The following ADAM11 variants were observed in gnomAD, a reference collection of about 807,000 sequenced individuals.
ADAM11 encodes the protein disintegrin and metalloproteinase domain-containing protein 11.
A neutral mutation model predicts 119.1 loss-of-function variants in ADAM11; 49 were observed. That is an observed-to-expected ratio of 0.41 (90% CI 0.33 to 0.52). The LOEUF (loss-of-function observed/expected upper bound fraction) is 0.52. ADAM11 is among the 20% of genes least tolerant of loss of function. ADAM11 has a pLI of 0.20. For missense variants in ADAM11, 777 were observed against 1,047.5 expected, an observed-to-expected ratio of 0.74 and a Z score of 3.56; for synonymous variants, 364 against 408.0, an observed-to-expected ratio of 0.89 and a Z score of 1.30.
intron 25 of ADAM11, 75 bp from the exon 26 acceptor site, chr17:44,779,147 A>C: frequency 6.5e-7 from 1 of 1,542,310 alleles, no homozygotes; most frequent in Non-Finnish European, 8.7e-7. Context: ...ATGGCAGCCA[A>C]AGGCCCCTCC....
At position 44,780,454 on chromosome 17, in the gene ADAM11, A is replaced by G; in HGVS notation, c.*700A>G. On this transcript the variant is annotated 3_prime_UTR_variant, in exon 27 of 27. Coordinates refer to ENST00000200557, the MANE Select transcript of ADAM11 (RefSeq NM_002390.6). ...AACCAAAGCTGCCTGTGCCATGCCCAAGGCCTAGGTTATGGGTACGGCAAC... is the reference window on the plus strand; with the variant it reads ...AACCAAAGCTGCCTGTGCCATGCCCGAGGCCTAGGTTATGGGTACGGCAAC... 3.3e-6 allele frequency: 1 copy of G among 305,904 alleles called. No individual in the cohort carries two copies. The highest frequency in any genetic ancestry group is 6.3e-6 in the Non-Finnish European group (1 of 159,662). The allele number at this position is 305,904 out of a possible 1,614,324, so 18.9% of individuals were successfully genotyped here.
chr17:44,769,120 A>G (rs1236399287), intron 2 of ADAM11, among the ~76,000 whole-genome samples: 4 of 152,176 alleles, frequency 2.6e-5, no homozygotes, highest in Admixed American at 2.6e-4. Context: ...GCAGAGGGCA[A>G]TGGATTTGGG....
chr17:44,774,248 C>A (rs1453662317), intron 11 of ADAM11, 47 bp from the exon 12 acceptor site: 2 of 1,307,560 alleles, frequency 1.5e-6, no homozygotes, highest in Admixed American at 6.2e-5. Flanking sequence ...ACCCGGGGAG[C>A]CACAGGGGAG....
Position 44,772,299 on chromosome 17 carries a change from T to C in ADAM11, c.576T>C (p.Pro192=). The C allele has an allele frequency of 2.0e-6, 3 of 1,505,008 alleles. No individual in the cohort carries two copies. Among genetic ancestry groups the C allele is most frequent in the Non-Finnish European group, 2.7e-6 (3 of 1,114,974 alleles). The allele number at this position is 1,505,008 out of a possible 1,614,324, so 93.2% of individuals were successfully genotyped here. The change falls in exon 7 of 27, where the codon CCT becomes CCC. Residue 192 remains proline, a synonymous_variant. Coordinates refer to ENST00000200557, the MANE Select transcript of ADAM11 (RefSeq NM_002390.6). This position sits in a 1 kb window ranked among gnomAD's most constrained non-coding sequence, Gnocchi z 4.5. The part of the protein sequence containing the change: ...GPLPHLIYRT[P]LLPDPLGCRE... ...TTCCCCACCTCATTTACCGGACCCC[T>C]CTCCTCCCAGATCCCCTCGGATGCA...
chr17:44,759,443 G>T (rs1343475139), intron 1 of ADAM11, 183 bp downstream of exon 1: 1 of 1,246,926 alleles, frequency 8.0e-7, no homozygotes, highest in Non-Finnish European at 1.0e-6. Context: ...AGCTGGCCGG[G>T]CCCACCGCGT....
intron 25 of ADAM11, 118 bp downstream of exon 25, chr17:44,778,360 TA>T: frequency 9.9e-7 from 1 of 1,007,136 alleles, no homozygotes. Flanking sequence ...TCACACGTCA[TA>T]GGTCCAAGTA....
At chr17:44,769,952 C>A (rs776655039) in intron 3 of ADAM11, 30 bp from the exon 4 acceptor site, 7 of 1,613,286 alleles carry the variant, frequency 4.3e-6, no homozygotes, top group South Asian at 1.1e-5. Flanking sequence ...TCGCCCGTGA[C>A]CCCCCTTCCT....
intron 4 of ADAM11, among the ~76,000 whole-genome samples, chr17:44,770,534 T>C (rs956424273): frequency 6.9e-6 from 1 of 144,302 alleles, no homozygotes; most frequent in East Asian, 2.0e-4. Context: ...GGAGCACAAG[T>C]AATTCTGCAG....
intron 2 of ADAM11, among the ~76,000 whole-genome samples, chr17:44,765,436 T>A (rs1473233234): frequency 6.6e-6 from 1 of 152,150 alleles, no homozygotes; most frequent in Non-Finnish European, 1.5e-5. Context: ...TTCTGGCATG[T>A]CCCTGTCACA....
chr17:44,771,733 G>C (rs2145225110), intron 5 of ADAM11, 23 bp from the exon 6 acceptor site: 1 of 1,613,718 alleles, frequency 6.2e-7, no homozygotes. Flanking sequence ...GGACGGAGGG[G>C]AGCTGCGCCT....
In ADAM11 at chr17:44,777,233, C is replaced by T. The variant is rs1317419125; in HGVS notation, c.1749C>T (p.Arg583=). 2 of 1,608,568 alleles carry T rather than the reference C, an allele frequency of 1.2e-6. No homozygotes were observed. Among genetic ancestry groups the T allele is most frequent in the Admixed American group, 1.7e-5 (1 of 59,904 alleles). ...GGACGGAGCGTGGGAGCTGTGGGCG[C>T]AAGGGATCTGGCTGGGTCCAGTGCA... is the stretch of plus-strand genomic sequence containing the variant. ...VEGTERGSCG[R]KGSGWVQCSK... Residue 583 remains arginine (R), a synonymous_variant, in exon 21 of 27, where the codon CGC becomes CGT. Coordinates refer to ENST00000200557, the MANE Select transcript of ADAM11 (RefSeq NM_002390.6). This position sits in a 1 kb window ranked among gnomAD's most constrained non-coding sequence, Gnocchi z 5.1.
Position 44,771,790 on chromosome 17 carries a change from G to A in ADAM11, c.502G>A (p.Val168Met), listed in dbSNP as rs147818264. 1.0e-4 allele frequency: 164 copies of A among 1,613,474 alleles called. No individual in the cohort carries two copies. Among genetic ancestry groups the A allele is most frequent in the Non-Finnish European group, 1.3e-4 (155 of 1,179,504 alleles). Reference protein sequence around the residue: ...VFSDGNLTYIVEPQEVAGPWG... With the variant: ...VFSDGNLTYIMEPQEVAGPWG... ...CTCTGATGGGAACTTGACTTACATC[G>A]TGGAGCCCCAAGAGGTGGCTGGACC... Residue 168 changes from valine (V) to methionine (M), a missense_variant, in exon 6 of 27, where the codon GTG (valine) becomes ATG (methionine). By Grantham distance (21) the Val-to-Met change is conservative. Coordinates refer to ENST00000200557, the MANE Select transcript of ADAM11 (RefSeq NM_002390.6).
chr17:44,767,561 C>A (rs529702140), intron 2 of ADAM11, among the ~76,000 whole-genome samples: 4 of 152,232 alleles, frequency 2.6e-5, no homozygotes, highest in Admixed American at 6.5e-5. Flanking sequence ...CCAGGCCAGG[C>A]AAACACCCCT....
chr17:44,761,301 G>A (rs529644064), intron 2 of ADAM11, among the ~76,000 whole-genome samples: 1 of 152,310 alleles, frequency 6.6e-6, no homozygotes, highest in South Asian at 2.1e-4. Context: ...TTGAGGAAAA[G>A]CCTGGAGTCA....
At chr17:44,761,603 G>A (rs558810042) in intron 2 of ADAM11, among the ~76,000 whole-genome samples, 3 of 152,160 alleles carry the variant, frequency 2.0e-5, no homozygotes, top group East Asian at 1.9e-4. Flanking sequence ...TGGATCTGCC[G>A]GGCAGTGATT....
chr17:44,775,153 G>T lies in ADAM11; in HGVS notation c.1221-59G>T. ...CAGTGTACCCCCTCCCCAGCCTTGA[G>T]AGGGGTGAGGGTGGGTTGGAGGGGA... On this transcript the variant is annotated intron_variant, in intron 14 of 26. Transcript: ENST00000200557. The surrounding 1 kb of genome is among the most constrained non-coding windows in gnomAD (Gnocchi z 7.5). 7.0e-7 allele frequency: 1 copy of T among 1,422,262 alleles called. No homozygotes were observed. 88.1% of individuals were successfully genotyped at this position (1,422,262 alleles called of 1,614,324 possible).
chr17:44,763,870 C>T (rs896895451), intron 2 of ADAM11, among the ~76,000 whole-genome samples: 15 of 152,038 alleles, frequency 9.9e-5, no homozygotes, highest in Non-Finnish European at 1.9e-4. Flanking sequence ...GCGTGCACCA[C>T]CACTTCCAGC....
chr17:44,771,787 A>G lies in ADAM11; in HGVS notation c.499A>G (p.Ile167Val). ...CTTCTCTGATGGGAACTTGACTTAC[A>G]TCGTGGAGCCCCAAGAGGTGGCTGG... ...GVFSDGNLTYIVEPQEVAGPW... is the reference protein window; with the variant it reads ...GVFSDGNLTYVVEPQEVAGPW... The change falls in exon 6 of 27, where the codon ATC (isoleucine) becomes GTC (valine). Residue 167 changes from isoleucine (I) to valine (V), a missense_variant. Transcript: ENST00000200557. The G allele has an allele frequency of 5.0e-6, 8 of 1,613,464 alleles. No individual in the cohort carries two copies. The highest frequency in any genetic ancestry group is 6.8e-6 in the Non-Finnish European group (8 of 1,179,536).
At chr17:44,767,576 A>G (rs1228070433) in intron 2 of ADAM11, among the ~76,000 whole-genome samples, 1 of 152,110 alleles carries the variant, frequency 6.6e-6, no homozygotes, top group Non-Finnish European at 1.5e-5. Context: ...ACCCCTTGGT[A>G]TGTGGTCTCT....
Sources: gnomAD v4.1 joint callset for allele counts (sites outside exome capture counted in the v4.1 genomes callset) on GRCh38, gnomAD v4.1.1 for gene constraint, Gnocchi (gnomAD v3.1) non-coding constraint, MANE v1.5 for transcripts, NCBI Gene and HGNC (gene_info 2026-07-23, HGNC 2026-07-21) for gene names.